Variants in PTGIR observed in about 807,000 individuals in gnomAD.
PTGIR encodes prostaglandin I2 receptor.
A neutral mutation model predicts 17.6 loss-of-function variants in PTGIR; 16 were observed. That is an observed-to-expected ratio of 0.91 (90% CI 0.61 to 1.38). The LOEUF is 1.38. PTGIR is among the 40% of genes most tolerant of loss of function. The pLI, the probability that PTGIR is intolerant of heterozygous loss-of-function variation, is 0.00. For missense variants in PTGIR, 532 were observed against 548.6 expected, an observed-to-expected ratio of 0.97 and a Z score of 0.30; for synonymous variants, 274 against 255.4, an observed-to-expected ratio of 1.07 and a Z score of -0.69.
At chr19:46,610,991 G>A in the PTGIR span, among the ~76,000 whole-genome samples, 2 of 152,198 alleles carry the variant, frequency 1.3e-5, no homozygotes, top group African/African-American at 4.8e-5. Flanking sequence ...CAACGGCAGG[G>A]TCCTGTCCTA....
In PTGIR at chr19:46,623,970, G is replaced by C. The variant is rs779997330; in HGVS notation, c.256C>G (p.Arg86Gly). The C allele has an allele frequency of 1.9e-6, 3 of 1,574,590 alleles. No individual in the cohort carries two copies. The highest frequency in any genetic ancestry group is 2.7e-5 in the African/African-American group (2 of 73,978). ...GCATCGCACAGGGCGGGGCCGCCTC[G>C]GGCCAGGCCCAGCAGGGAGCTGTTG... Reference protein sequence around the residue: ...ARNSSLLGLARGGPALCDAFA... With the variant: ...ARNSSLLGLAGGGPALCDAFA... Residue 86 changes from arginine (R) to glycine (G), a missense_variant, in exon 2 of 3, where the codon CGA becomes GGA. By Grantham distance (125) the Arg-to-Gly change is moderately radical (BLOSUM62 -2). Transcript: ENST00000291294.
At chr19:46,616,326 C>CTTTTTTTTT (rs1021116711), downstream of PTGIR, among the ~76,000 whole-genome samples, 1 of 66,574 alleles carries the variant, frequency 1.5e-5, no homozygotes, top group Non-Finnish European at 2.7e-5. Context: ...GACAGAAATG[C>CTTTTTTTTT]TTTTTTTTTT....
At chr19:46,619,653 G>GAAAGA (rs1363405557), downstream of PTGIR, among the ~76,000 whole-genome samples, 1 of 77,738 alleles carries the variant, frequency 1.3e-5, no homozygotes, top group Admixed American at 1.3e-4. Context: ...AAGAAAGAAA[G>GAAAGA]AAAAGAAAGA....
downstream of PTGIR, among the ~76,000 whole-genome samples, chr19:46,618,101 GC>G (rs1272809621): frequency 6.8e-6 from 1 of 146,522 alleles, no homozygotes; most frequent in African/African-American, 2.6e-5. Flanking sequence ...TGCAAGCTCT[GC>G]CTCCCGGGTT....
downstream of PTGIR, among the ~76,000 whole-genome samples, chr19:46,616,351 T>TTA (rs1165065358): frequency 4.1e-5 from 6 of 146,036 alleles, no homozygotes; most frequent in Non-Finnish European, 7.5e-5. Flanking sequence ...TTTTTTTTTT[T>TTA]TAGACAAAGT....
chr19:46,624,122 AG>A lies in PTGIR; in HGVS notation c.103del (p.Leu35TrpfsTer4). ...CGGTCGCCGTGCGCTCAGGATGCCCAGGGCCAGCCCGTTGCCCACCACACCG... is the reference window on the plus strand; with the variant it reads ...CGGTCGCCGTGCGCTCAGGATGCCCAGGCCAGCCCGTTGCCCACCACACCG... ...VAGVVGNGLA[L>X]GILSARRPAR... On this transcript the variant is annotated frameshift_variant, in exon 2 of 3. Coordinates refer to ENST00000291294, the MANE Select transcript of PTGIR (RefSeq NM_000960.4). LOFTEE classifies it high-confidence loss of function. 6.5e-7 allele frequency: 1 copy of A among 1,538,586 alleles called. No homozygotes were observed. Among genetic ancestry groups the A allele is most frequent in the South Asian group, 1.2e-5 (1 of 83,978 alleles).
intron 1 of PTGIR, 113 bp downstream of exon 1, chr19:46,624,884 C>T (rs1404657152): frequency 6.5e-6 from 1 of 152,690 alleles, no homozygotes; most frequent in African/African-American, 2.4e-5. Flanking sequence ...CTGATATCTC[C>T]CTGTCTCTGT....
At chr19:46,617,147 G>A (rs141131466), downstream of PTGIR, among the ~76,000 whole-genome samples, 333 of 152,006 alleles carry the variant, frequency 2.2e-3, no homozygotes, top group African/African-American at 7.5e-3. Flanking sequence ...CATCTGTTGC[G>A]GCCTCAGCCA....
the PTGIR span, among the ~76,000 whole-genome samples, chr19:46,613,351 C>T: frequency 5.5e-5 from 7 of 128,098 alleles, no homozygotes; most frequent in Non-Finnish European, 8.1e-5. Context: ...TCCCCCTACC[C>T]CCCCATGCCC....
chr19:46,621,574 G>C lies in PTGIR; in HGVS notation c.867C>G (p.Pro289=), dbSNP rs1415060059. The C allele has an allele frequency of 3.1e-6, 5 of 1,613,918 alleles. No individual in the cohort carries two copies. The highest frequency in any genetic ancestry group is 4.2e-6 in the Non-Finnish European group (5 of 1,180,056). Residue 289 remains proline (P), a synonymous_variant, in exon 3 of 3, where the codon CCC becomes CCG. Coordinates refer to ENST00000291294, the MANE Select transcript of PTGIR (RefSeq NM_000960.4). This position sits in a 1 kb window ranked among gnomAD's most constrained non-coding sequence, Gnocchi z 4.8. ...RFYAFNPILD[P]WVFILFRKAV... Reference sequence around the variant, plus strand: ...CCTTGCGGAAAAGGATGAAGACCCAGGGGTCCAGGATGGGGTTGAAGGCGT... The same window carrying C: ...CCTTGCGGAAAAGGATGAAGACCCACGGGTCCAGGATGGGGTTGAAGGCGT...
the PTGIR span, chr19:46,610,775 C>T: frequency 6.5e-6 from 1 of 152,714 alleles, no homozygotes; most frequent in Non-Finnish European, 1.5e-5. Flanking sequence ...AATACAGTGA[C>T]TACCTGATTT....
chr19:46,621,941 A>C lies in PTGIR; in HGVS notation c.769-269T>G. 2 of 1,256,638 alleles carry C rather than the reference A, an allele frequency of 1.6e-6. No individual in the cohort carries two copies. The highest frequency in any genetic ancestry group is 2.0e-6 in the Non-Finnish European group (2 of 999,098). 77.8% of individuals were successfully genotyped at this position (1,256,638 alleles called of 1,614,324 possible). A position where few individuals can be genotyped will look rare whatever the true frequency, so the allele number is the denominator to read the frequency against. ...GAAGCTGGGAGGACCCTCGGGCTCC[A>C]CAGATTTTTGAGTATAACGTCCCTG... On this transcript the variant is annotated intron_variant, in intron 2 of 2. Coordinates refer to ENST00000291294, the MANE Select transcript of PTGIR (RefSeq NM_000960.4). The surrounding 1 kb of genome is among the most constrained non-coding windows in gnomAD (Gnocchi z 4.8).
Position 46,621,082 on chromosome 19 carries a change from C to T in PTGIR, c.*198G>A, listed in dbSNP as rs1311404230. 5 of 1,268,862 alleles carry T rather than the reference C, an allele frequency of 3.9e-6. No individual in the cohort carries two copies. The Middle Eastern group carries it at 8.9e-4, about 227-fold the overall frequency. 78.6% of individuals were successfully genotyped at this position (1,268,862 alleles called of 1,614,324 possible). ...TGAGAGAACCATTCTTTCTGCACTC[C>T]AGGATAAACGTTTCCTCTGTCCCTC... is the stretch of plus-strand genomic sequence containing the variant. On this transcript the variant is annotated 3_prime_UTR_variant, in exon 3 of 3. Transcript: ENST00000291294. This position sits in a 1 kb window ranked among gnomAD's most constrained non-coding sequence, Gnocchi z 4.8.
intron 2 of PTGIR, 92 bp downstream of exon 2, chr19:46,623,366 T>C (rs2052753374): frequency 7.2e-7 from 1 of 1,388,108 alleles, no homozygotes; most frequent in Non-Finnish European, 9.5e-7. Flanking sequence ...TCACCTCTTT[T>C]GAGCCTCAGT....
chr19:46,617,856 T>C (rs1971984368), downstream of PTGIR, among the ~76,000 whole-genome samples: 1 of 151,268 alleles, frequency 6.6e-6, no homozygotes, highest in Admixed American at 6.6e-5. Context: ...TTTTTTTTTT[T>C]TTTCTTTGAG....
Position 46,623,844 on chromosome 19 carries a change from C to G in PTGIR, c.382G>C (p.Ala128Pro). The G allele has an allele frequency of 1.9e-6, 3 of 1,609,034 alleles. No individual in the cohort carries two copies. Among genetic ancestry groups the G allele is most frequent in the Non-Finnish European group, 2.5e-6 (3 of 1,178,506 alleles). Residue 128 changes from alanine to proline, a missense_variant, in exon 2 of 3, where the codon GCG becomes CCG. Ala to Pro is a conservative substitution (Grantham distance 27). Coordinates refer to ENST00000291294, the MANE Select transcript of PTGIR (RefSeq NM_000960.4). ...CLALSHPYLYAQLDGPRCARL... is the reference protein window; with the variant it reads ...CLALSHPYLYPQLDGPRCARL... ...GCGCAGCGGGGCCCGTCCAGCTGCG[C>G]GTAGAGGTAGGGGTGGCTCAGCGCC...
At chr19:46,615,275 G>T in the PTGIR span, among the ~76,000 whole-genome samples, 2 of 152,220 alleles carry the variant, frequency 1.3e-5, no homozygotes, top group African/African-American at 4.8e-5. Context: ...TGAATTAGGT[G>T]TTATAGGTAA....
downstream of PTGIR, among the ~76,000 whole-genome samples, chr19:46,619,772 T>C (rs1221213541): frequency 6.6e-6 from 1 of 152,194 alleles, no homozygotes; most frequent in Non-Finnish European, 1.5e-5. Context: ...GGCTCAGGCC[T>C]CACGTACCGC....
the PTGIR span, among the ~76,000 whole-genome samples, chr19:46,611,273 A>G: frequency 6.6e-6 from 1 of 152,178 alleles, no homozygotes; most frequent in African/African-American, 2.4e-5. Flanking sequence ...ACTGGGTGAG[A>G]GCCCCGAGCA....
Sources: allele counts gnomAD v4.1 joint callset (sites outside exome capture counted in the v4.1 genomes callset), GRCh38; gene constraint gnomAD v4.1.1; non-coding constraint Gnocchi (gnomAD v3.1); transcripts MANE v1.5; gene names NCBI Gene and HGNC (gene_info 2026-07-23, HGNC 2026-07-21).